The following HHAT variants were observed in gnomAD, a reference collection of about 807,000 sequenced individuals.
HHAT encodes hedgehog acyltransferase.
HHAT carries 47 observed loss-of-function variants against 70.8 expected under a neutral mutation model. The observed-to-expected ratio is 0.66, with a 90% CI of 0.53 to 0.85. The LOEUF (loss-of-function observed/expected upper bound fraction) is 0.85. Among genes scored for constraint, HHAT ranks in the 40% least tolerant of loss-of-function variants. The probability of loss-of-function intolerance (pLI) is 0.00; values close to 1 mark genes in which losing one functional copy is unlikely to be tolerated. For missense variants in HHAT, 609 were observed against 604.8 expected (o/e 1.01, Z -0.07); for synonymous variants, 228 against 247.6 (o/e 0.92, Z 0.74).
At position 210,676,058 on chromosome 1, in the gene HHAT, G is replaced by C. The variant is rs971592092; in HGVS notation, c.*1679G>C. ...AAGAAAGGGCTTGCTAAGAAAAAAG[G>C]GAGTAAAAATGATGATAGGGAAGTG... On this transcript the variant is annotated 3_prime_UTR_variant, in exon 12 of 12. Transcript: ENST00000261458. 1 of 152,148 alleles carries C rather than the reference G, an allele frequency of 6.6e-6. No individual in the cohort carries two copies. The highest frequency in any genetic ancestry group is 1.5e-5 in the Non-Finnish European group (1 of 68,034). 9.4% of individuals were successfully genotyped at this position (152,148 alleles called of 1,614,324 possible).
intron 8 of HHAT, among the ~76,000 whole-genome samples, chr1:210,469,098 C>CT (rs1207375404): frequency 6.6e-6 from 1 of 152,004 alleles, no homozygotes; most frequent in Admixed American, 6.6e-5. Context: ...CCAGAGGTGA[C>CT]TGAGAGGTCC....
intron 3 of HHAT, among the ~76,000 whole-genome samples, chr1:210,372,780 G>GTT (rs56121731): frequency 0.11 from 15,105 of 140,148 alleles, 1,015 homozygotes; most frequent in Non-Finnish European, 0.14. Context: ...CAAGGGAGGT[G>GTT]TTTTTTTTTT....
intron 9 of HHAT, among the ~76,000 whole-genome samples, chr1:210,544,894 C>T (rs893832589): frequency 6.6e-6 from 1 of 152,156 alleles, no homozygotes; most frequent in African/African-American, 2.4e-5. Flanking sequence ...CCTCCTTCGT[C>T]CTCACCCCTA....
In HHAT at chr1:210,337,425, A is replaced by C. The variant is rs1312155252; in HGVS notation, c.-44+8321A>C. 3.3e-5 allele frequency among the ~76,000 whole-genome samples: 5 copies of C among 152,174 alleles called. No individual in the cohort carries two copies. In the East Asian group the frequency reaches 5.8e-4, roughly 18 times the overall value. ...AACACAAATTCAGTGGCTTCAAAAA[A>C]CACACATTTATTACCTTATGGTTCT... On this transcript the variant is annotated intron_variant, in intron 1 of 11. Transcript: ENST00000261458.
intron 11 of HHAT, among the ~76,000 whole-genome samples, chr1:210,642,212 A>G (rs916353664): frequency 6.6e-6 from 1 of 152,308 alleles, no homozygotes; most frequent in African/African-American, 2.4e-5. Flanking sequence ...TGAAAGATTT[A>G]TCATTGTTAT....
intron 8 of HHAT, among the ~76,000 whole-genome samples, chr1:210,511,392 T>C (rs1327126856): frequency 6.6e-6 from 1 of 152,238 alleles, no homozygotes; most frequent in African/African-American, 2.4e-5. Flanking sequence ...CTATGCTGTG[T>C]CCATTGTCTG....
At chr1:210,434,813 A>G (rs2093337890) in intron 7 of HHAT, among the ~76,000 whole-genome samples, 1 of 151,880 alleles carries the variant, frequency 6.6e-6, no homozygotes, top group African/African-American at 2.4e-5. Context: ...AAGAAAATAC[A>G]GGTAATCGTT....
At chr1:210,343,555 C>T (rs1052346839) in intron 1 of HHAT, among the ~76,000 whole-genome samples, 3 of 151,990 alleles carry the variant, frequency 2.0e-5, no homozygotes, top group Admixed American at 6.6e-5. Flanking sequence ...GGTGGTGTTT[C>T]GAGGTGGCAT....
At chr1:210,632,260 C>T (rs980002728) in intron 11 of HHAT, among the ~76,000 whole-genome samples, 2 of 152,152 alleles carry the variant, frequency 1.3e-5, no homozygotes, top group Admixed American at 6.5e-5. Context: ...GATAATGAAG[C>T]AGCATCATTG....
chr1:210,621,488 A>C (rs548228531), intron 10 of HHAT, among the ~76,000 whole-genome samples: 3 of 152,178 alleles, frequency 2.0e-5, no homozygotes, highest in African/African-American at 7.2e-5. Context: ...CTGTCTCCCA[A>C]CTTCCTCTCA....
intron 9 of HHAT, among the ~76,000 whole-genome samples, chr1:210,529,325 A>G (rs1035775234): frequency 1.3e-5 from 2 of 152,040 alleles, no homozygotes; most frequent in Non-Finnish European, 1.5e-5. Context: ...AAGGAAAAAA[A>G]AAAAAAAAGA....
At chr1:210,332,778 A>T (rs1476538524) in intron 1 of HHAT, among the ~76,000 whole-genome samples, 1 of 152,246 alleles carries the variant, frequency 6.6e-6, no homozygotes, top group Non-Finnish European at 1.5e-5. Context: ...GGCTTGGAGA[A>T]TGTGAGTCAC....
rs1018558976 is a variant in HHAT at position 210,464,532 on chromosome 1, T to C, written c.884T>C (p.Phe295Ser). The C allele has an allele frequency of 1.9e-6, 3 of 1,614,054 alleles. No individual in the cohort carries two copies. Among genetic ancestry groups the C allele is most frequent in the Admixed American group, 3.3e-5 (2 of 60,008 alleles). The part of the protein sequence containing the change: ...LGGLALAQVL[F>S]FYVKYLVLFG... ...GGACTGGCGTTAGCCCAGGTGCTCT[T>C]TTTCTACGTGAAGTACTTGGTGCTC... The change falls in exon 8 of 12, where the codon TTT becomes TCT. Residue 295 changes from phenylalanine to serine, a missense_variant. Coordinates refer to ENST00000261458, the MANE Select transcript of HHAT (RefSeq NM_018194.6).
chr1:210,378,959 A>G (rs1247245088), intron 3 of HHAT, among the ~76,000 whole-genome samples: 1 of 152,264 alleles, frequency 6.6e-6, no homozygotes, highest in Non-Finnish European at 1.5e-5. Flanking sequence ...GTTCCATTGC[A>G]GACAGCAGAA....
chr1:210,623,875 C>T (rs1015543448), intron 11 of HHAT, among the ~76,000 whole-genome samples: 1 of 152,090 alleles, frequency 6.6e-6, no homozygotes, highest in Non-Finnish European at 1.5e-5. Context: ...CCCCATATCT[C>T]CTGTATGTGA....
chr1:210,619,491 G>A (rs1284488338), intron 10 of HHAT, among the ~76,000 whole-genome samples: 1 of 152,134 alleles, frequency 6.6e-6, no homozygotes, highest in Non-Finnish European at 1.5e-5. Context: ...GGTCTCAGAG[G>A]AAAGGGGGTG....
chr1:210,566,671 G>A lies in HHAT; in HGVS notation c.1044-21227G>A, dbSNP rs993657251. Among the ~76,000 whole-genome samples, 9 of 152,000 alleles carry A rather than the reference G, an allele frequency of 5.9e-5. No individual in the cohort carries two copies. In the East Asian group the frequency reaches 7.8e-4, roughly 13 times the overall value. ...GTGATGATCAGAGGGGAGATCGGCC[G>A]CTAGATGGCCAGACTCCAGGGGAAG... On this transcript the variant is annotated intron_variant, in intron 9 of 11. Coordinates refer to ENST00000261458, the MANE Select transcript of HHAT (RefSeq NM_018194.6).
chr1:210,581,554 T>TA (rs1471807600), intron 9 of HHAT, among the ~76,000 whole-genome samples: 2 of 152,252 alleles, frequency 1.3e-5, no homozygotes, highest in African/African-American at 2.4e-5. Context: ...TCCTAGCCAC[T>TA]AAAGGCTCTG....
chr1:210,371,729 G>A (rs1296589786), intron 3 of HHAT, among the ~76,000 whole-genome samples: 2 of 152,074 alleles, frequency 1.3e-5, no homozygotes, highest in Non-Finnish European at 2.9e-5. Flanking sequence ...AATGAGTTAA[G>A]GCCTAACCTC....
Sources: gnomAD v4.1 joint callset for allele counts (sites outside exome capture counted in the v4.1 genomes callset) on GRCh38, gnomAD v4.1.1 for gene constraint, MANE v1.5 for transcripts, NCBI Gene and HGNC (gene_info 2026-07-23, HGNC 2026-07-21) for gene names.